The following RPS29 variants were observed in gnomAD, a reference collection of about 807,000 sequenced individuals.
The protein encoded by RPS29 is ribosomal protein S29.
For synonymous variants in RPS29, 37 were observed against 26.9 expected, an observed-to-expected ratio of 1.37 and a Z score of -1.16; for missense variants, 60 against 75.7, an observed-to-expected ratio of 0.79 and a Z score of 0.77.
Position 49,577,223 on chromosome 14 carries a change from A to G in RPS29, c.*589T>C, listed in dbSNP as rs562070151. ...ATCACTGCACTCCAGTCAGAGGAAG[A>G]CTTCATCTCAAAAACAATACATAAA... On this transcript the variant is annotated 3_prime_UTR_variant, in exon 3 of 3. Coordinates refer to the RPS29 transcript ENST00000396020. The G allele has an allele frequency of 6.5e-5, 10 of 154,778 alleles. No individual in the cohort carries two copies. In the South Asian group the frequency reaches 7.9e-4, roughly 12 times the overall value. 9.6% of individuals were successfully genotyped at this position (154,778 alleles called of 1,614,324 possible). A position where few individuals can be genotyped will look rare whatever the true frequency, so the allele number is the denominator to read the frequency against.
upstream of RPS29, among the ~76,000 whole-genome samples, chr14:49,590,529 T>C (rs1194334699): frequency 1.3e-5 from 2 of 152,168 alleles, no homozygotes; most frequent in African/African-American, 2.4e-5. Flanking sequence ...ACTTTCAATT[T>C]TGGAACCTTT....
chr14:49,583,220 T>C (rs1005731739), downstream of RPS29, among the ~76,000 whole-genome samples: 1 of 152,218 alleles, frequency 6.6e-6, no homozygotes, highest in African/African-American at 2.4e-5. Flanking sequence ...AAGCCATTGA[T>C]ACAAGTTTAT....
chr14:49,584,009 A>T (rs763975457), intron 2 of RPS29, among the ~76,000 whole-genome samples: 8 of 151,954 alleles, frequency 5.3e-5, no homozygotes, highest in South Asian at 2.1e-4. Context: ...TTTGAGAGAG[A>T]GTCTCGCTGT....
chr14:49,594,200 T>G (rs1881774208), intron 1 of RPS29, among the ~76,000 whole-genome samples: 1 of 152,200 alleles, frequency 6.6e-6, no homozygotes, highest in Non-Finnish European at 1.5e-5. Flanking sequence ...ACATCTGCTT[T>G]CAGGCTTGCT....
intron 1 of RPS29, 116 bp from the exon 2 acceptor site, chr14:49,586,165 G>T: frequency 7.2e-7 from 1 of 1,384,826 alleles, no homozygotes; most frequent in Non-Finnish European, 1.0e-6. Context: ...TGTAATGGCG[G>T]CACCAGCGAC....
chr14:49,597,793 C>G (rs1566488359), intron 1 of RPS29: 1 of 151,948 alleles, frequency 6.6e-6, no homozygotes, highest in South Asian at 2.1e-4. Context: ...ACTACAGACA[C>G]GCGCCACCAC....
At chr14:49,582,226 T>A (rs997176559), downstream of RPS29, among the ~76,000 whole-genome samples, 4 of 152,112 alleles carry the variant, frequency 2.6e-5, no homozygotes, top group African/African-American at 9.7e-5. Context: ...TCCCAAGAGT[T>A]CAGACTAACC....
At chr14:49,582,020 A>AAAAAAAAAAAAAAAAAC, downstream of RPS29, among the ~76,000 whole-genome samples, 1 of 151,454 alleles carries the variant, frequency 6.6e-6, no homozygotes, top group African/African-American at 2.4e-5. Flanking sequence ...CCCAAAAAAA[A>AAAAAAAAAAAAAAAAAC]AAAAAAAAAA....
At chr14:49,581,323 A>C (rs1881327303), downstream of RPS29, among the ~76,000 whole-genome samples, 1 of 152,200 alleles carries the variant, frequency 6.6e-6, no homozygotes, top group Non-Finnish European at 1.5e-5. Flanking sequence ...TTCTGTCTTA[A>C]TCAAAGGCAC....
At chr14:49,590,457 C>T (rs920897481), upstream of RPS29, among the ~76,000 whole-genome samples, 1 of 151,876 alleles carries the variant, frequency 6.6e-6, no homozygotes, top group Admixed American at 6.6e-5. Context: ...GCCTGGGCAA[C>T]AGAGTGAGAT....
At chr14:49,582,959 A>C (rs1197092792), downstream of RPS29, among the ~76,000 whole-genome samples, 1 of 152,168 alleles carries the variant, frequency 6.6e-6, no homozygotes, top group Non-Finnish European at 1.5e-5. Flanking sequence ...CAGATGACAG[A>C]CCCTGTATCT....
At chr14:49,591,833 G>A (rs935870813) in intron 1 of RPS29, among the ~76,000 whole-genome samples, 6 of 150,014 alleles carry the variant, frequency 4.0e-5, no homozygotes, top group Non-Finnish European at 7.4e-5. Flanking sequence ...TGTTAGCCAG[G>A]ATGGTCTCGA....
At chr14:49,582,012 C>CCAAAAAAAAAAAA (rs71115379), downstream of RPS29, among the ~76,000 whole-genome samples, 204 of 106,460 alleles carry the variant, frequency 1.9e-3, 1 homozygote, top group African/African-American at 8.8e-3. Context: ...CCCTGCCCCC[C>CCAAAAAAAAAAAA]AAAAAAAAAA....
chr14:49,595,048 T>G (rs1201806393), intron 1 of RPS29, among the ~76,000 whole-genome samples: 2 of 152,226 alleles, frequency 1.3e-5, no homozygotes, highest in African/African-American at 2.4e-5. Context: ...TCCTGAATTC[T>G]AATATTCTCT....
chr14:49,598,181 G>A (rs1881878924), intron 1 of RPS29: 1 of 544,690 alleles, frequency 1.8e-6, no homozygotes, highest in African/African-American at 1.9e-5. Flanking sequence ...AGGTTAAGGT[G>A]AGAGAGGCGC....
At chr14:49,598,563 A>G (rs1881893121) in exon 1 of RPS29, 1 of 702,316 alleles carries the variant, frequency 1.4e-6, no homozygotes, top group Non-Finnish European at 2.6e-6. Flanking sequence ...GGGGCCACTC[A>G]GACAGTTCTA....
chr14:49,583,735 A>C, intron 2 of RPS29, 60 bp from the exon 3 acceptor site: 21 of 1,094,192 alleles, frequency 1.9e-5, no homozygotes, highest in Non-Finnish European at 2.9e-5. Flanking sequence ...CTTGATTCTC[A>C]CAAAAAAAAG....
chr14:49,584,414 A>C (rs1183135568), intron 2 of RPS29, among the ~76,000 whole-genome samples: 1 of 152,254 alleles, frequency 6.6e-6, no homozygotes. Context: ...CAGGGCTGCC[A>C]AGCCTGAGTT....
At chr14:49,585,729 G>A (rs956013603) in intron 2 of RPS29, 1 of 538,658 alleles carries the variant, frequency 1.9e-6, no homozygotes, top group East Asian at 2.9e-5. Context: ...AAAAAAGGGA[G>A]TAGGAAAGAC....
Sources: allele counts gnomAD v4.1 joint callset (sites outside exome capture counted in the v4.1 genomes callset), GRCh38; gene constraint gnomAD v4.1.1; transcripts MANE v1.5; gene names NCBI Gene and HGNC (gene_info 2026-07-23, HGNC 2026-07-21).